The following PDE3A variants were observed in gnomAD, a reference collection of about 807,000 sequenced individuals.
The protein encoded by PDE3A is cGMP-inhibited 3',5'-cyclic phosphodiesterase 3A.
PDE3A carries 43 observed loss-of-function variants against 98.3 expected under a neutral mutation model. The observed-to-expected ratio is 0.44, with a 90% CI of 0.34 to 0.56. PDE3A has a LOEUF of 0.56. Among genes scored for constraint, PDE3A ranks in the 20% least tolerant of loss-of-function variants. The pLI is 0.01. For synonymous variants in PDE3A, 663 were observed against 567.9 expected (o/e 1.17, Z -2.38); for missense variants, 1,427 against 1,440.7 (o/e 0.99, Z 0.15).
chr12:20,588,036 A>C (rs1360260865), intron 2 of PDE3A, among the ~76,000 whole-genome samples: 3 of 152,220 alleles, frequency 2.0e-5, no homozygotes, highest in African/African-American at 7.2e-5. Context: ...TTTAAAGGCT[A>C]CTTTGCTCCT....
At chr12:20,531,066 C>T (rs1378237660) in intron 1 of PDE3A, among the ~76,000 whole-genome samples, 1 of 152,146 alleles carries the variant, frequency 6.6e-6, no homozygotes, top group Admixed American at 6.5e-5. Flanking sequence ...AGGGTTCCCC[C>T]TATCAGGACA....
At chr12:20,569,247 A>G (rs1942735943) in intron 2 of PDE3A, among the ~76,000 whole-genome samples, 1 of 152,110 alleles carries the variant, frequency 6.6e-6, no homozygotes, top group African/African-American at 2.4e-5. Flanking sequence ...TAACTTCTTA[A>G]TATCAGCTTC....
At chr12:20,464,359 A>G (rs927684436) in intron 1 of PDE3A, among the ~76,000 whole-genome samples, 1 of 152,192 alleles carries the variant, frequency 6.6e-6, no homozygotes, top group Non-Finnish European at 1.5e-5. Context: ...CAATATATTC[A>G]CTTAACAAGG....
chr12:20,639,436 A>G (rs1488688829), intron 9 of PDE3A, among the ~76,000 whole-genome samples: 1 of 152,124 alleles, frequency 6.6e-6, no homozygotes, highest in Admixed American at 6.6e-5. Flanking sequence ...TGACTTGCTA[A>G]GTAGAACTTT....
chr12:20,496,875 T>G (rs1945929435), intron 1 of PDE3A, among the ~76,000 whole-genome samples: 1 of 152,176 alleles, frequency 6.6e-6, no homozygotes, highest in African/African-American at 2.4e-5. Flanking sequence ...CAGAGAAAGT[T>G]GAACAGATTC....
At chr12:20,453,842 T>G (rs1591949223) in intron 1 of PDE3A, among the ~76,000 whole-genome samples, 1 of 152,102 alleles carries the variant, frequency 6.6e-6, no homozygotes, top group East Asian at 1.9e-4. Context: ...TCTCACCATT[T>G]AACTATCTAC....
At chr12:20,513,076 A>G (rs367746013) in intron 1 of PDE3A, among the ~76,000 whole-genome samples, 1 of 152,040 alleles carries the variant, frequency 6.6e-6, no homozygotes, top group East Asian at 1.9e-4. Context: ...TTCTGCCTAT[A>G]TATTTTTCTT....
chr12:20,429,869 TTA>T (rs1944665886), intron 1 of PDE3A, among the ~76,000 whole-genome samples: 1 of 152,068 alleles, frequency 6.6e-6, no homozygotes, highest in Non-Finnish European at 1.5e-5. Context: ...ATTTTTTTTT[TTA>T]TGTCATTTTG....
intron 1 of PDE3A, among the ~76,000 whole-genome samples, chr12:20,470,426 C>T (rs556133149): frequency 6.0e-5 from 9 of 150,122 alleles, no homozygotes; most frequent in African/African-American, 2.3e-4. Flanking sequence ...GGGGTTGTGT[C>T]CCAGGGTTTC....
At chr12:20,545,630 A>G (rs764187839) in intron 1 of PDE3A, among the ~76,000 whole-genome samples, 9 of 152,114 alleles carry the variant, frequency 5.9e-5, no homozygotes, top group Non-Finnish European at 1.3e-4. Context: ...TTTACGAGGA[A>G]TACAGGAGAA....
chr12:20,393,696 T>C (rs11045207), intron 1 of PDE3A, among the ~76,000 whole-genome samples: 2 of 152,164 alleles, frequency 1.3e-5, no homozygotes, highest in South Asian at 2.1e-4. Flanking sequence ...GCTTGAGATT[T>C]GATGCACTAA....
At chr12:20,492,108 G>A (rs1350981330) in intron 1 of PDE3A, among the ~76,000 whole-genome samples, 1 of 152,052 alleles carries the variant, frequency 6.6e-6, no homozygotes, top group Non-Finnish European at 1.5e-5. Flanking sequence ...AGCCTTCTGA[G>A]TAGCTGGGAT....
intron 1 of PDE3A, among the ~76,000 whole-genome samples, chr12:20,423,188 T>C (rs578073036): frequency 6.6e-6 from 1 of 152,296 alleles, no homozygotes; most frequent in South Asian, 2.1e-4. Flanking sequence ...CCAGAGGAAA[T>C]ATATGCAGAT....
chr12:20,611,140 T>C (rs1943839764), intron 2 of PDE3A, among the ~76,000 whole-genome samples: 1 of 152,012 alleles, frequency 6.6e-6, no homozygotes, highest in Non-Finnish European at 1.5e-5. Flanking sequence ...ACACATAACA[T>C]GTTGTAAGCC....
intron 1 of PDE3A, among the ~76,000 whole-genome samples, chr12:20,394,835 T>C (rs1861347858): frequency 6.6e-6 from 1 of 152,048 alleles, no homozygotes; most frequent in Non-Finnish European, 1.5e-5. Context: ...AGAGTGCTAC[T>C]GGTTTGACAT....
intron 15 of PDE3A, among the ~76,000 whole-genome samples, chr12:20,662,545 G>A (rs537149998): frequency 6.6e-6 from 1 of 152,272 alleles, no homozygotes. Flanking sequence ...TTTCAGCAAG[G>A]AAACTGGTGG....
intron 1 of PDE3A, among the ~76,000 whole-genome samples, chr12:20,476,364 T>C (rs921031853): frequency 6.6e-6 from 1 of 152,174 alleles, no homozygotes; most frequent in South Asian, 2.1e-4. Context: ...TTTATGATAT[T>C]TGAGTTTTGC....
At chr12:20,513,672 G>A (rs1279443012) in intron 1 of PDE3A, among the ~76,000 whole-genome samples, 1 of 151,876 alleles carries the variant, frequency 6.6e-6, no homozygotes, top group Admixed American at 6.6e-5. Flanking sequence ...CTTTTCATCA[G>A]TGTCCTATGT....
intron 1 of PDE3A, among the ~76,000 whole-genome samples, chr12:20,500,985 C>T (rs1013936477): frequency 5.9e-5 from 9 of 151,966 alleles, no homozygotes; most frequent in Non-Finnish European, 1.3e-4. Context: ...CCAGGCTGGC[C>T]CTGAACTCCT....
Sources: gnomAD v4.1 joint callset for allele counts (sites outside exome capture counted in the v4.1 genomes callset) on GRCh38, gnomAD v4.1.1 for gene constraint, MANE v1.5 for transcripts, NCBI Gene and HGNC (gene_info 2026-07-23, HGNC 2026-07-21) for gene names.